GPM6A: variants seen among roughly 807,000 people sequenced by gnomAD.
GPM6A encodes glycoprotein M6A, also known as neuronal membrane glycoprotein M6-a.
In GPM6A, 7 loss-of-function variants were observed where a neutral mutation model predicts 32.1. The ratio of observed to expected loss-of-function variants is 0.22; its 90% CI spans 0.12 to 0.41. The LOEUF (loss-of-function observed/expected upper bound fraction) is 0.41, where lower values mean the gene tolerates loss of function less well. GPM6A is among the 10% of genes least tolerant of loss of function. The pLI is 1.00. For synonymous variants in GPM6A, 130 were observed against 123.4 expected (o/e 1.05, Z -0.35); for missense variants, 235 against 347.2 (o/e 0.68, Z 2.57).
At chr4:175,798,943 C>T (rs1402812716) in intron 1 of GPM6A, among the ~76,000 whole-genome samples, 2 of 152,126 alleles carry the variant, frequency 1.3e-5, no homozygotes, top group Non-Finnish European at 2.9e-5. Flanking sequence ...TGCTGTATTG[C>T]ACATGAAAGC....
chr4:175,654,606 A>G (rs554779998), intron 3 of GPM6A, among the ~76,000 whole-genome samples: 1 of 152,284 alleles, frequency 6.6e-6, no homozygotes, highest in South Asian at 2.1e-4. Context: ...TGGATAAATT[A>G]AAAGAATGAT....
In GPM6A at chr4:175,828,483, A is replaced by G. The variant is rs149276683; in HGVS notation, c.-22-16234T>C. On this transcript the variant is annotated intron_variant, in intron 1 of 7. Transcript: ENST00000280187. ...AATCTTGCTGTGTTGTTTGAAGACA[A>G]TTGTTATTCTTTACAGAGTGATTCT... Among the ~76,000 whole-genome samples, 1,062 of 152,344 alleles carry G rather than the reference A, an allele frequency of 7.0e-3. 16 individuals carry two copies. The highest frequency in any genetic ancestry group is 0.024 in the African/African-American group (988 of 41,588).
chr4:175,931,960 T>C (rs1351144087), intron 1 of GPM6A, among the ~76,000 whole-genome samples: 1 of 151,626 alleles, frequency 6.6e-6, no homozygotes, highest in Non-Finnish European at 1.5e-5. Context: ...GGTATGGTGG[T>C]GCATGCCTGT....
intron 1 of GPM6A, among the ~76,000 whole-genome samples, chr4:175,797,378 A>AG (rs1430988055): frequency 2.0e-5 from 3 of 152,186 alleles, no homozygotes; most frequent in African/African-American, 4.8e-5. Context: ...ATGTTTGGGT[A>AG]GGTAGCTGTT....
At chr4:175,763,616 C>CTA (rs1732843622) in intron 1 of GPM6A, among the ~76,000 whole-genome samples, 1 of 151,862 alleles carries the variant, frequency 6.6e-6, no homozygotes, top group Non-Finnish European at 1.5e-5. Context: ...AAGAATAACC[C>CTA]CAGATTATTT....
At chr4:175,760,010 T>C (rs1421527175) in intron 1 of GPM6A, among the ~76,000 whole-genome samples, 1 of 151,852 alleles carries the variant, frequency 6.6e-6, no homozygotes, top group Non-Finnish European at 1.5e-5. Context: ...TGAAATCCAG[T>C]CTCTACTAAA....
At chr4:175,889,985 G>A (rs886155433) in intron 1 of GPM6A, among the ~76,000 whole-genome samples, 2 of 152,046 alleles carry the variant, frequency 1.3e-5, no homozygotes, top group Admixed American at 1.3e-4. Flanking sequence ...ACATTCAATG[G>A]AAAAATAACC....
intron 1 of GPM6A, among the ~76,000 whole-genome samples, chr4:175,949,751 T>C (rs1362979961): frequency 6.6e-6 from 1 of 152,178 alleles, no homozygotes; most frequent in African/African-American, 2.4e-5. Context: ...AAGATAAAGC[T>C]GAACCGACAG....
At chr4:175,736,721 A>C (rs1016671805) in intron 1 of GPM6A, among the ~76,000 whole-genome samples, 2 of 152,376 alleles carry the variant, frequency 1.3e-5, no homozygotes, top group East Asian at 3.9e-4. Flanking sequence ...ATTAATTAGT[A>C]GTAATAAAAT....
rs534547265 is a variant in GPM6A, at chr4:175,929,591, C to T, written c.-23+72718G>A. 9.3e-4 allele frequency among the ~76,000 whole-genome samples: 141 copies of T among 152,310 alleles called. 1 individual carries two copies. The highest frequency in any genetic ancestry group is 4.1e-3 in the Admixed American group (62 of 15,298). On this transcript the variant is annotated intron_variant, in intron 1 of 7. Transcript: ENST00000280187. Reference sequence around the variant, plus strand: ...GGTGTAATATTACTCCTTCCTAAATCTATCCTTGCTGCTCTCCTTCACTCT... The same window carrying T: ...GGTGTAATATTACTCCTTCCTAAATTTATCCTTGCTGCTCTCCTTCACTCT...
upstream of GPM6A, among the ~76,000 whole-genome samples, chr4:175,815,638 T>G (rs186254166): frequency 1.4e-4 from 22 of 152,124 alleles, no homozygotes; most frequent in East Asian, 4.3e-3. Flanking sequence ...AAAACACATT[T>G]TGAGGCCAGG....
At chr4:175,994,696 A>G (rs537461069) in intron 1 of GPM6A, among the ~76,000 whole-genome samples, 1 of 152,292 alleles carries the variant, frequency 6.6e-6, no homozygotes, top group Non-Finnish European at 1.5e-5. Flanking sequence ...GTGGTTGGGC[A>G]ATTTCTTACA....
intron 1 of GPM6A, among the ~76,000 whole-genome samples, chr4:175,937,444 G>A (rs966905513): frequency 4.6e-5 from 7 of 152,050 alleles, no homozygotes; most frequent in African/African-American, 1.7e-4. Flanking sequence ...CTAAAACTAA[G>A]TTACAGAACA....
chr4:175,652,011 A>C, intron 3 of GPM6A, 24 bp from the exon 4 acceptor site: 1 of 1,582,928 alleles, frequency 6.3e-7, no homozygotes, highest in South Asian at 1.2e-5. Flanking sequence ...AGAAATGGAG[A>C]GAGAAAATGT....
intron 1 of GPM6A, among the ~76,000 whole-genome samples, chr4:175,945,798 A>G (rs1739581722): frequency 6.7e-6 from 1 of 148,916 alleles, no homozygotes; most frequent in Admixed American, 6.6e-5. Context: ...ATACGGGTGC[A>G]TATTACGTAC....
At chr4:175,900,358 G>A (rs1737924660) in intron 1 of GPM6A, among the ~76,000 whole-genome samples, 1 of 148,118 alleles carries the variant, frequency 6.8e-6, no homozygotes, top group Admixed American at 6.8e-5. Context: ...GAAAAGAAAG[G>A]AAAGGAAAAG....
intron 1 of GPM6A, among the ~76,000 whole-genome samples, chr4:175,976,085 C>T (rs752216527): frequency 6.6e-6 from 1 of 151,448 alleles, no homozygotes; most frequent in Non-Finnish European, 1.5e-5. Context: ...ACCTACCATG[C>T]TTCACACTGA....
chr4:175,636,219 C>A (rs1740576804), intron 6 of GPM6A, among the ~76,000 whole-genome samples: 1 of 136,256 alleles, frequency 7.3e-6, no homozygotes, highest in Non-Finnish European at 1.6e-5. Flanking sequence ...GAGTTATATT[C>A]TTGTACATTA....
chr4:175,999,917 T>C (rs767710680), intron 1 of GPM6A, among the ~76,000 whole-genome samples: 7 of 152,164 alleles, frequency 4.6e-5, no homozygotes, highest in Non-Finnish European at 1.0e-4. Context: ...TTATTTTTCA[T>C]AAGTAAATTA....
Sources: gnomAD v4.1 joint callset for allele counts (sites outside exome capture counted in the v4.1 genomes callset) on GRCh38, gnomAD v4.1.1 for gene constraint, MANE v1.5 for transcripts, NCBI Gene and HGNC (gene_info 2026-07-23, HGNC 2026-07-21) for gene names.